The following TGFBR2 variants were observed in gnomAD, a reference collection of about 807,000 sequenced individuals.
The protein encoded by TGFBR2 is transforming growth factor beta receptor 2, also known as TGF-beta receptor type-2.
In TGFBR2, 18 loss-of-function variants were observed where a neutral mutation model predicts 49.0. The observed-to-expected ratio is 0.37, with a 90% CI of 0.25 to 0.54. TGFBR2 has a LOEUF of 0.54. TGFBR2 is among the 20% of genes least tolerant of loss of function. The pLI is 0.85. For synonymous variants in TGFBR2, 282 were observed against 275.9 expected (o/e 1.02, Z -0.22); for missense variants, 525 against 722.6 (o/e 0.73, Z 3.13).
intron 3 of TGFBR2, among the ~76,000 whole-genome samples, chr3:30,654,049 T>A (rs1434521525): frequency 3.3e-5 from 5 of 152,256 alleles, no homozygotes. Flanking sequence ...TTTCCTTTTT[T>A]AATTCTTTCC....
rs756997446 is a variant in TGFBR2 at position 30,672,476 on chromosome 3, C to T, written c.1254+39C>T. ...AGTGCTAGATCCCCTTTACCTTGAG[C>T]CTGGCCTCACCCTACCTCTTGATCC... is the stretch of plus-strand genomic sequence containing the variant. On this transcript the variant is annotated intron_variant, in intron 4 of 6. Coordinates refer to ENST00000295754, the MANE Select transcript of TGFBR2 (RefSeq NM_003242.6). This position sits in a 1 kb window ranked among gnomAD's most constrained non-coding sequence, Gnocchi z 4.5. 6.9e-6 allele frequency: 11 copies of T among 1,596,992 alleles called. No homozygotes were observed. Among genetic ancestry groups the T allele is most frequent in the Admixed American group, 1.7e-5 (1 of 59,974 alleles).
intron 1 of TGFBR2, among the ~76,000 whole-genome samples, chr3:30,617,651 A>G (rs983132093): frequency 6.6e-6 from 1 of 152,074 alleles, no homozygotes; most frequent in African/African-American, 2.4e-5. Flanking sequence ...TTTATGAGTT[A>G]TTATATGCAT....
intron 6 of TGFBR2, 75 bp downstream of exon 6, chr3:30,688,586 A>G (rs1699663328): frequency 3.1e-6 from 5 of 1,593,832 alleles, no homozygotes; most frequent in Non-Finnish European, 4.3e-6. Context: ...ATTCTGGAAT[A>G]TTGAGCTTAA....
intron 3 of TGFBR2, among the ~76,000 whole-genome samples, chr3:30,666,981 A>G (rs1239691895): frequency 1.3e-5 from 2 of 152,106 alleles, no homozygotes; most frequent in African/African-American, 2.4e-5. Context: ...TATGAAGTTT[A>G]GAGATCAGGT....
At chr3:30,619,129 C>T (rs1698183383) in intron 1 of TGFBR2, among the ~76,000 whole-genome samples, 1 of 152,112 alleles carries the variant, frequency 6.6e-6, no homozygotes, top group Non-Finnish European at 1.5e-5. Flanking sequence ...TCCATTGCAA[C>T]TCATATCTCA....
At chr3:30,643,881 A>T (rs1290493317) in intron 1 of TGFBR2, among the ~76,000 whole-genome samples, 1 of 152,232 alleles carries the variant, frequency 6.6e-6, no homozygotes, top group Non-Finnish European at 1.5e-5. Flanking sequence ...AGTGACAGGA[A>T]GCTAAACAAA....
intron 3 of TGFBR2, among the ~76,000 whole-genome samples, chr3:30,662,427 A>T (rs1699149596): frequency 6.6e-6 from 1 of 152,184 alleles, no homozygotes; most frequent in Admixed American, 6.5e-5. Flanking sequence ...GTGCCATGGG[A>T]TAGGAGAGGT....
At chr3:30,635,389 G>T (rs1037562826) in intron 1 of TGFBR2, among the ~76,000 whole-genome samples, 1 of 152,154 alleles carries the variant, frequency 6.6e-6, no homozygotes, top group African/African-American at 2.4e-5. Context: ...GCAAGCGTTG[G>T]GGGGACTCAA....
intron 1 of TGFBR2, among the ~76,000 whole-genome samples, chr3:30,634,830 G>C (rs1341543659): frequency 1.3e-5 from 2 of 152,148 alleles, no homozygotes; most frequent in Non-Finnish European, 2.9e-5. Context: ...TCTCAGCAGA[G>C]GCATAAAGTT....
chr3:30,606,743 G>C lies in TGFBR2; in HGVS notation c.-141G>C. On this transcript the variant is annotated 5_prime_UTR_variant, in exon 1 of 7. Coordinates refer to ENST00000295754, the MANE Select transcript of TGFBR2 (RefSeq NM_003242.6). ...GCCCCCTCCTGGCTGGCGAGCGGGC[G>C]CCACATCTGGCCCGCACATCTGCGC... is the stretch of plus-strand genomic sequence containing the variant. 1 of 538,448 alleles carries C rather than the reference G, an allele frequency of 1.9e-6. No homozygotes were observed. The highest frequency in any genetic ancestry group is 2.9e-6 in the Non-Finnish European group (1 of 349,640). 33.4% of individuals were successfully genotyped at this position (538,448 alleles called of 1,614,324 possible). A position where few individuals can be genotyped will look rare whatever the true frequency, so the allele number is the denominator to read the frequency against.
intron 1 of TGFBR2, among the ~76,000 whole-genome samples, chr3:30,628,435 C>T (rs773347981): frequency 7.1e-6 from 1 of 139,918 alleles, no homozygotes; most frequent in Non-Finnish European, 1.5e-5. Flanking sequence ...TTGGTCACCT[C>T]TGTGCTGTAT....
rs3076740 is a variant in TGFBR2, at chr3:30,653,250, C to CTTTTTTT, written c.454+2803_454+2809dup. On this transcript the variant is annotated intron_variant, in intron 3 of 6. Transcript: ENST00000295754. The stretch of plus-strand genomic sequence containing the variant: ...TCTTCTTTATCTTGAGGAATGAAAA[C>CTTTTTTT]TTTTTTTTTTTTTTTTTTTGAGACA... Among the ~76,000 whole-genome samples the CTTTTTTT allele has an allele frequency of 5.0e-4, 57 of 113,412 alleles. 3 individuals carry two copies. The highest frequency in any genetic ancestry group is 1.2e-3 in the South Asian group (4 of 3,414). 74.4% of individuals were successfully genotyped at this position (113,412 alleles called of 152,430 possible). A position where few individuals can be genotyped will look rare whatever the true frequency, so the allele number is the denominator to read the frequency against.
chr3:30,647,543 A>C (rs942124157), intron 2 of TGFBR2, among the ~76,000 whole-genome samples: 1 of 148,632 alleles, frequency 6.7e-6, no homozygotes, highest in African/African-American at 2.5e-5. Context: ...TTGTTTTTTT[A>C]ATCAGTTTTA....
intron 1 of TGFBR2, among the ~76,000 whole-genome samples, chr3:30,611,239 C>T (rs1009174251): frequency 2.0e-5 from 3 of 152,224 alleles, no homozygotes; most frequent in South Asian, 2.1e-4. Context: ...GCCTCCACTT[C>T]ATCCTACTGT....
At chr3:30,636,244 A>G (rs1698529504) in intron 1 of TGFBR2, among the ~76,000 whole-genome samples, 1 of 150,600 alleles carries the variant, frequency 6.6e-6, no homozygotes, top group African/African-American at 2.4e-5. Flanking sequence ...CCCGGCCCGT[A>G]CTAGGTATTT....
intron 5 of TGFBR2, among the ~76,000 whole-genome samples, chr3:30,686,307 T>C (rs942998964): frequency 6.6e-6 from 1 of 151,986 alleles, no homozygotes; most frequent in Non-Finnish European, 1.5e-5. Context: ...AAAATAAGAG[T>C]ATAAATGCTA....
chr3:30,658,875 G>A (rs1485103982), intron 3 of TGFBR2, among the ~76,000 whole-genome samples: 4 of 152,078 alleles, frequency 2.6e-5, no homozygotes, highest in Admixed American at 2.0e-4. Flanking sequence ...CCTTAATGTC[G>A]TTGCTTTACA....
intron 1 of TGFBR2, among the ~76,000 whole-genome samples, chr3:30,634,073 G>A (rs572523274): frequency 1.3e-5 from 2 of 152,254 alleles, no homozygotes; most frequent in South Asian, 4.1e-4. Context: ...CAGGTACCAG[G>A]CATGCACAAG....
rs974988203 is a variant in TGFBR2, at chr3:30,692,961, T to C, written c.*1362T>C. Reference sequence around the variant, plus strand: ...CACTGTAAACATTAGCTCTTTCCACTGCCTACCTGGACCCCAGTCTAGGAA... The same window carrying C: ...CACTGTAAACATTAGCTCTTTCCACCGCCTACCTGGACCCCAGTCTAGGAA... On this transcript the variant is annotated 3_prime_UTR_variant, in exon 7 of 7. Coordinates refer to ENST00000295754, the MANE Select transcript of TGFBR2 (RefSeq NM_003242.6). 4.3e-6 allele frequency: 1 copy of C among 233,294 alleles called. No homozygotes were observed. Among genetic ancestry groups the C allele is most frequent in the Non-Finnish European group, 8.5e-6 (1 of 117,984 alleles). 14.5% of individuals were successfully genotyped at this position (233,294 alleles called of 1,614,324 possible). A position where few individuals can be genotyped will look rare whatever the true frequency, so the allele number is the denominator to read the frequency against.
Sources: gnomAD v4.1 joint callset for allele counts (sites outside exome capture counted in the v4.1 genomes callset) on GRCh38, gnomAD v4.1.1 for gene constraint, Gnocchi (gnomAD v3.1) non-coding constraint, MANE v1.5 for transcripts, NCBI Gene and HGNC (gene_info 2026-07-23, HGNC 2026-07-21) for gene names.